Variants in HIPK2 observed in about 807,000 individuals in gnomAD.
HIPK2 encodes homeodomain interacting protein kinase 2.
In HIPK2, 27 loss-of-function variants were observed where a neutral mutation model predicts 113.7. The ratio of observed to expected loss-of-function variants is 0.24; its 90% CI spans 0.17 to 0.33. HIPK2 has a LOEUF of 0.33. Ranked by LOEUF, HIPK2 falls within the 10% of genes least tolerant of loss-of-function variation. The pLI is 1.00. For synonymous variants in HIPK2, 631 were observed against 642.2 expected, an observed-to-expected ratio of 0.98 and a Z score of 0.26; for missense variants, 1,257 against 1,588.0, an observed-to-expected ratio of 0.79 and a Z score of 3.54.
intron 1 of HIPK2, among the ~76,000 whole-genome samples, chr7:139,775,979 C>CAGAGA (rs1420244770): frequency 6.6e-6 from 1 of 152,166 alleles, no homozygotes; most frequent in African/African-American, 2.4e-5. Flanking sequence ...GAGTGTCCAG[C>CAGAGA]AGAGGGAGTC....
chr7:139,717,879 G>T lies in HIPK2; in HGVS notation c.20-864C>A, dbSNP rs1228561162. Reference sequence around the variant, plus strand: ...TCCTGCCTCAGCCTCCAAAGGCTGGGATTATAGGTTCCTGCCACCACGCCC... The same window carrying T: ...TCCTGCCTCAGCCTCCAAAGGCTGGTATTATAGGTTCCTGCCACCACGCCC... On this transcript the variant is annotated intron_variant, in intron 1 of 14. Transcript: ENST00000406875. 3.3e-5 allele frequency among the ~76,000 whole-genome samples: 5 copies of T among 152,182 alleles called. No individual in the cohort carries two copies. In the South Asian group the frequency reaches 1.0e-3, roughly 32 times the overall value.
intron 2 of HIPK2, among the ~76,000 whole-genome samples, chr7:139,659,948 C>T (rs2116542677): frequency 6.6e-6 from 1 of 152,364 alleles, no homozygotes; most frequent in Middle Eastern, 3.4e-3. Flanking sequence ...ATGTTAAATG[C>T]AACACCTATA....
intron 11 of HIPK2, among the ~76,000 whole-genome samples, chr7:139,600,094 G>A (rs114720736): frequency 0.026 from 3,949 of 151,868 alleles, 174 homozygotes; most frequent in African/African-American, 0.091. Context: ...CCCATCCACC[G>A]ACACCCCCCA....
chr7:139,632,327 A>G (rs1800647352), intron 2 of HIPK2, among the ~76,000 whole-genome samples: 1 of 152,210 alleles, frequency 6.6e-6, no homozygotes, highest in Admixed American at 6.5e-5. Flanking sequence ...GAGGTATTCT[A>G]TCTTCAGGAA....
At chr7:139,724,004 C>CTTT (rs769658116) in intron 1 of HIPK2, among the ~76,000 whole-genome samples, 2 of 137,432 alleles carry the variant, frequency 1.5e-5, no homozygotes, top group African/African-American at 2.6e-5. Context: ...TGCTACAGAT[C>CTTT]TTTTTTTTTT....
rs76851009 is a variant in HIPK2 at position 139,659,505 on chromosome 7, C to T, written c.1104-27780G>A. On this transcript the variant is annotated intron_variant, in intron 2 of 14. Transcript: ENST00000406875. ...CCCGGCTGCAGCTGCAGCTTGTGCA[C>T]GGATAGAGAGAGATTCCTGCTTGGG... 6.1e-3 allele frequency among the ~76,000 whole-genome samples: 933 copies of T among 152,316 alleles called. 5 individuals are homozygous for T. Among genetic ancestry groups the T allele is most frequent in the African/African-American group, 0.021 (872 of 41,566 alleles).
chr7:139,742,464 A>G (rs561499352), intron 1 of HIPK2, among the ~76,000 whole-genome samples: 90 of 152,346 alleles, frequency 5.9e-4, no homozygotes, highest in African/African-American at 2.1e-3. Flanking sequence ...AGGGATATAC[A>G]ATATGCTCTG....
chr7:139,588,292 T>C (rs1025189889), intron 12 of HIPK2, among the ~76,000 whole-genome samples: 7 of 151,012 alleles, frequency 4.6e-5, no homozygotes, highest in Non-Finnish European at 4.4e-5. Flanking sequence ...CACTCTAGCC[T>C]GGGTGACAGA....
intron 5 of HIPK2, among the ~76,000 whole-genome samples, chr7:139,627,554 T>C (rs753598581): frequency 1.2e-4 from 19 of 152,192 alleles, no homozygotes; most frequent in Non-Finnish European, 2.6e-4. Flanking sequence ...TTAAAAGGCT[T>C]GTTTTGTGGT....
chr7:139,588,494 T>C (rs1197226451), intron 12 of HIPK2, among the ~76,000 whole-genome samples: 1 of 142,778 alleles, frequency 7.0e-6, no homozygotes, highest in African/African-American at 2.7e-5. Flanking sequence ...CCAGTCGGGG[T>C]GACACAGCCA....
chr7:139,689,278 G>A (rs1380897618), intron 2 of HIPK2, among the ~76,000 whole-genome samples: 4 of 152,262 alleles, frequency 2.6e-5, no homozygotes, highest in South Asian at 2.1e-4. Flanking sequence ...TTTTGTTGGC[G>A]TTAACAGGGC....
chr7:139,665,039 CT>C (rs369543607), intron 2 of HIPK2, among the ~76,000 whole-genome samples: 3,926 of 129,594 alleles, frequency 0.03, 159 homozygotes, highest in African/African-American at 0.097. Flanking sequence ...CTTTCTCTCT[CT>C]TTTTTTTTTT....
intron 2 of HIPK2, among the ~76,000 whole-genome samples, chr7:139,636,848 C>T (rs987907866): frequency 6.6e-6 from 1 of 152,158 alleles, no homozygotes; most frequent in East Asian, 1.9e-4. Context: ...TTGGAATTCT[C>T]CTTCTGGCTC....
chr7:139,639,719 C>T (rs374669023), intron 2 of HIPK2, among the ~76,000 whole-genome samples: 24 of 152,214 alleles, frequency 1.6e-4, no homozygotes, highest in East Asian at 7.7e-4. Flanking sequence ...GTATCTCCAG[C>T]GCCTAGCACG....
intron 1 of HIPK2, among the ~76,000 whole-genome samples, chr7:139,742,740 G>A (rs2117083797): frequency 6.6e-6 from 1 of 152,296 alleles, no homozygotes; most frequent in East Asian, 1.9e-4. Context: ...AGAAGCAAAA[G>A]GAGCATGAAG....
intron 2 of HIPK2, among the ~76,000 whole-genome samples, chr7:139,646,400 T>G (rs1801225363): frequency 6.7e-6 from 1 of 149,854 alleles, no homozygotes; most frequent in African/African-American, 2.5e-5. Context: ...CTCAGGAGGC[T>G]GAGGTAAGAG....
intron 1 of HIPK2, among the ~76,000 whole-genome samples, chr7:139,739,403 AT>A (rs1490771875): frequency 6.6e-6 from 1 of 152,172 alleles, no homozygotes; most frequent in Non-Finnish European, 1.5e-5. Context: ...CCTGGCCAAC[AT>A]GACAAAACCT....
rs57181293 is a variant in HIPK2, at chr7:139,589,612, G to A, written c.2718-5548C>T. 3.3e-4 allele frequency among the ~76,000 whole-genome samples: 50 copies of A among 152,304 alleles called. No homozygotes were observed. In the East Asian group the frequency reaches 8.5e-3, roughly 26 times the overall value. Reference sequence around the variant, plus strand: ...CAACAGCCACTTCATGAGTCACTGAGCTTCTTGTCACTGAAGAATGGCTTT... The same window carrying A: ...CAACAGCCACTTCATGAGTCACTGAACTTCTTGTCACTGAAGAATGGCTTT... On this transcript the variant is annotated intron_variant, in intron 12 of 14. Transcript: ENST00000406875.
chr7:139,733,284 C>T (rs905541253), intron 1 of HIPK2, among the ~76,000 whole-genome samples: 1 of 152,172 alleles, frequency 6.6e-6, no homozygotes, highest in Non-Finnish European at 1.5e-5. Context: ...TGGACTAATA[C>T]AGTCCTAAAC....
Sources: allele counts gnomAD v4.1 joint callset (sites outside exome capture counted in the v4.1 genomes callset), GRCh38; gene constraint gnomAD v4.1.1; transcripts MANE v1.5; gene names NCBI Gene and HGNC (gene_info 2026-07-23, HGNC 2026-07-21).